PCDHGA5: variants seen among roughly 807,000 people sequenced by gnomAD.
The protein encoded by PCDHGA5 is protocadherin gamma-A5.
PCDHGA5 carries 36 observed loss-of-function variants against 56.7 expected under a neutral mutation model. The observed-to-expected ratio is 0.64, with a 90% CI of 0.49 to 0.84. The LOEUF is 0.84. PCDHGA5 is among the 40% of genes least tolerant of loss of function. The pLI is 0.00. For synonymous variants in PCDHGA5, 563 were observed against 520.2 expected, an observed-to-expected ratio of 1.08 and a Z score of -1.12; for missense variants, 1,305 against 1,201.5, an observed-to-expected ratio of 1.09 and a Z score of -1.27.
At chr5:141,389,537 C>T in intron 1 of PCDHGA5, 2 of 1,613,216 alleles carry the variant, frequency 1.2e-6, no homozygotes, top group Non-Finnish European at 8.5e-7. Context: ...TGTTAGTGGA[C>T]GACCGCAACG....
intron 1 of PCDHGA5, among the ~76,000 whole-genome samples, chr5:141,472,527 G>A (rs905459978): frequency 1.3e-5 from 2 of 151,468 alleles, no homozygotes; most frequent in African/African-American, 4.9e-5. Flanking sequence ...GTGACAGAGT[G>A]AGACACCATC....
intron 1 of PCDHGA5, chr5:141,478,700 C>A: frequency 1.3e-6 from 2 of 1,549,172 alleles, no homozygotes; most frequent in Non-Finnish European, 1.7e-6. Flanking sequence ...AAAGTTAGTG[C>A]CTTTGTGAGA....
At position 141,487,370 on chromosome 5, in the gene PCDHGA5, T is replaced by C; in HGVS notation, c.2422-7437T>C. 6.2e-7 allele frequency: 1 copy of C among 1,614,232 alleles called. No individual in the cohort carries two copies. Among genetic ancestry groups the C allele is most frequent in the South Asian group, 1.1e-5 (1 of 91,080 alleles). On this transcript the variant is annotated intron_variant, in intron 1 of 3. Transcript: ENST00000518069. The surrounding 1 kb of genome is among the most constrained non-coding windows in gnomAD (Gnocchi z 5.0). ...ATGCTTTCCTGCTGGCACCTGTGCC[T>C]GTCTCACCAGATCTCGAAGGAGGGA... is the stretch of plus-strand genomic sequence containing the variant.
At position 141,365,477 on chromosome 5, in the gene PCDHGA5, G is replaced by T; in HGVS notation, c.1147G>T (p.Ala383Ser). 2 of 1,613,994 alleles carry T rather than the reference G, an allele frequency of 1.2e-6. No homozygotes were observed. The highest frequency in any genetic ancestry group is 1.7e-6 in the Non-Finnish European group (2 of 1,179,892). The stretch of plus-strand genomic sequence containing the variant: ...TGATTCTGGAGAAAATGGTGAGATT[G>T]CATGCTCTATTCCTAGGAATTTGCC... Reference protein sequence around the residue: ...DGDSGENGEIACSIPRNLPFK... With the variant: ...DGDSGENGEISCSIPRNLPFK... The change falls in exon 1 of 4, where the codon GCA becomes TCA. Residue 383 changes from alanine to serine, a missense_variant. By Grantham distance (99) the Ala-to-Ser change is moderately conservative. Transcript: ENST00000518069.
chr5:141,422,410 T>C, intron 1 of PCDHGA5: 1 of 1,601,816 alleles, frequency 6.2e-7, no homozygotes, highest in Non-Finnish European at 8.5e-7. Context: ...GCCTTTTAAA[T>C]TAGAAAAGAC....
At chr5:141,374,081 G>A (rs1588729709) in intron 1 of PCDHGA5, 1 of 1,524,542 alleles carries the variant, frequency 6.6e-7, no homozygotes. Flanking sequence ...TAATAAGCCA[G>A]TAATGGCGCC....
chr5:141,426,882 C>T, intron 1 of PCDHGA5: 1 of 456,664 alleles, frequency 2.2e-6, no homozygotes, highest in South Asian at 1.5e-5. Flanking sequence ...GCCCCTGGGC[C>T]AGGAGCAACA....
chr5:141,387,571 T>C (rs1183327637), intron 1 of PCDHGA5: 2 of 474,240 alleles, frequency 4.2e-6, no homozygotes, highest in African/African-American at 2.0e-5. Flanking sequence ...ACAATTATAA[T>C]TATTGCACTG....
At chr5:141,499,726 ACT>A (rs1368224475) in intron 2 of PCDHGA5, among the ~76,000 whole-genome samples, 1 of 128,608 alleles carries the variant, frequency 7.8e-6, no homozygotes, top group African/African-American at 3.0e-5. Flanking sequence ...ACAGAGTCTC[ACT>A]CTCTTGCCCA....
In PCDHGA5 at chr5:141,421,624, A is replaced by G; in HGVS notation, c.2421+54873A>G. On this transcript the variant is annotated intron_variant, in intron 1 of 3. Transcript: ENST00000518069. ...AATAGATATTAATGATAACGCCCCC[A>G]GCTTCCAGGAGGACGAAGTGGAGAT... 2.5e-6 allele frequency: 4 copies of G among 1,613,872 alleles called. No homozygotes were observed. The South Asian group carries it at 3.3e-5, about 13-fold the overall frequency.
Position 141,486,747 on chromosome 5 carries a change from A to G in PCDHGA5, c.2422-8060A>G, listed in dbSNP as rs750666508. The G allele has an allele frequency of 3.1e-6, 5 of 1,614,210 alleles. No homozygotes were observed. The highest frequency in any genetic ancestry group is 4.2e-6 in the Non-Finnish European group (5 of 1,180,034). On this transcript the variant is annotated intron_variant, in intron 1 of 3. Transcript: ENST00000518069. This position sits in a 1 kb window ranked among gnomAD's most constrained non-coding sequence, Gnocchi z 5.0. Reference sequence around the variant, plus strand: ...GTTCATGCTACTCGATCCTTTGACTATGAGCAAACCCAGACACTGCAGTTT... The same window carrying G: ...GTTCATGCTACTCGATCCTTTGACTGTGAGCAAACCCAGACACTGCAGTTT...
At chr5:141,445,964 T>C (rs1199096510) in intron 1 of PCDHGA5, among the ~76,000 whole-genome samples, 2 of 152,280 alleles carry the variant, frequency 1.3e-5, no homozygotes, top group South Asian at 4.1e-4. Context: ...ATATGGAGAA[T>C]TGATTTATGA....
chr5:141,427,915 T>C lies in PCDHGA5; in HGVS notation c.2421+61164T>C, dbSNP rs779333176. ...GGCTCGCCCGCGCTCAGCGCCAACATGAGCCGGCGCATGTTGGTGGGCGAC... is the reference window on the plus strand; with the variant it reads ...GGCTCGCCCGCGCTCAGCGCCAACACGAGCCGGCGCATGTTGGTGGGCGAC... On this transcript the variant is annotated intron_variant, in intron 1 of 3. Transcript: ENST00000518069. The C allele has an allele frequency of 7.0e-6, 11 of 1,578,094 alleles. No individual in the cohort carries two copies. In the Admixed American group the frequency reaches 8.4e-5, roughly 12 times the overall value.
intron 1 of PCDHGA5, chr5:141,415,073 C>G: frequency 1.9e-6 from 3 of 1,613,434 alleles, no homozygotes; most frequent in Non-Finnish European, 2.5e-6. Flanking sequence ...GTGCGCACGG[C>G]GCGAGCCCTG....
At chr5:141,371,345 T>TG (rs1178665977) in intron 1 of PCDHGA5, 1 of 1,613,878 alleles carries the variant, frequency 6.2e-7, no homozygotes, top group Non-Finnish European at 8.5e-7. Context: ...GCTACACAAT[T>TG]GGGGTGGAAG....
Position 141,375,092 on chromosome 5 carries a change from A to G in PCDHGA5, c.2421+8341A>G, listed in dbSNP as rs775722663. On this transcript the variant is annotated intron_variant, in intron 1 of 3. Coordinates refer to ENST00000518069, the MANE Select transcript of PCDHGA5 (RefSeq NM_018918.3). ...AGACAGAGCGAAAGTCTTAATAACT[A>G]TCTTGGATGTCAATGATAATGTACC... 20 of 1,613,866 alleles carry G rather than the reference A, an allele frequency of 1.2e-5. No individual in the cohort carries two copies. In the Middle Eastern group the frequency reaches 6.6e-4, roughly 53 times the overall value.
rs768625295 is a variant in PCDHGA5, at chr5:141,365,828, C to T, written c.1498C>T (p.Pro500Ser). The T allele has an allele frequency of 6.2e-7, 1 of 1,613,974 alleles. No individual in the cohort carries two copies. The highest frequency in any genetic ancestry group is 8.5e-7 in the Non-Finnish European group (1 of 1,179,898). ...SLAEDTFQGA[P>S]LSSYVSINSD... ...GGCTGAAGACACATTTCAGGGGGCGCCCTTGTCCTCCTATGTATCCATTAA... is the reference window on the plus strand; with the variant it reads ...GGCTGAAGACACATTTCAGGGGGCGTCCTTGTCCTCCTATGTATCCATTAA... Residue 500 changes from proline (P) to serine (S), a missense_variant, in exon 1 of 4, where the codon CCC becomes TCC. By Grantham distance (74) the Pro-to-Ser change is moderately conservative (BLOSUM62 -1). Coordinates refer to ENST00000518069, the MANE Select transcript of PCDHGA5 (RefSeq NM_018918.3).
At chr5:141,401,239 G>A (rs1024455506) in intron 1 of PCDHGA5, among the ~76,000 whole-genome samples, 6 of 152,154 alleles carry the variant, frequency 3.9e-5, no homozygotes, top group Admixed American at 6.5e-5. Flanking sequence ...CTACTCAGGA[G>A]GCTAAGACAG....
intron 1 of PCDHGA5, among the ~76,000 whole-genome samples, chr5:141,482,274 G>A (rs1219523359): frequency 6.6e-6 from 1 of 152,094 alleles, no homozygotes; most frequent in Non-Finnish European, 1.5e-5. Flanking sequence ...TTTAGCTTAG[G>A]TAAGTCTTTT....
Sources: gnomAD v4.1 joint callset for allele counts (sites outside exome capture counted in the v4.1 genomes callset) on GRCh38, gnomAD v4.1.1 for gene constraint, Gnocchi (gnomAD v3.1) non-coding constraint, MANE v1.5 for transcripts, NCBI Gene and HGNC (gene_info 2026-07-23, HGNC 2026-07-21) for gene names.